MIA2: variants seen among roughly 807,000 people sequenced by gnomAD.
The protein encoded by MIA2 is melanoma inhibitory activity protein 2.
Under a neutral mutation model 167.8 loss-of-function variants are expected in MIA2, and 127 were observed. That is an observed-to-expected ratio of 0.76 (90% CI 0.66 to 0.88). The LOEUF (loss-of-function observed/expected upper bound fraction) is 0.88, where lower values mean the gene tolerates loss of function less well. Ranked by LOEUF, MIA2 falls within the 40% of genes least tolerant of loss-of-function variation. MIA2 has a pLI of 0.00. For synonymous variants in MIA2, 552 were observed against 541.9 expected (o/e 1.02, Z -0.26); for missense variants, 1,690 against 1,624.7 (o/e 1.04, Z -0.69).
At chr14:39,384,731 A>G (rs528625896) in intron 23 of MIA2, among the ~76,000 whole-genome samples, 25 of 152,326 alleles carry the variant, frequency 1.6e-4, no homozygotes, top group African/African-American at 5.8e-4. Context: ...GCTCACAGCC[A>G]GTCCTCTCAC....
intron 14 of MIA2, 95 bp downstream of exon 14, chr14:39,300,081 CAACATATTTTCAT>C: frequency 6.8e-7 from 1 of 1,464,572 alleles, no homozygotes; most frequent in Non-Finnish European, 9.2e-7. Flanking sequence ...TTTATTTTCA[CAACATATTTTCAT>C]AACATATTTG....
chr14:39,344,407 C>A (rs768616640), intron 25 of MIA2, among the ~76,000 whole-genome samples: 6 of 152,180 alleles, frequency 3.9e-5, no homozygotes, highest in South Asian at 2.1e-4. Context: ...CCTTTTCTTT[C>A]ATTAGGCTAA....
chr14:39,354,192 G>A (rs547572483), downstream of MIA2, among the ~76,000 whole-genome samples: 1 of 152,202 alleles, frequency 6.6e-6, no homozygotes, highest in Non-Finnish European at 1.5e-5. Flanking sequence ...CAGTGTAAAA[G>A]TGTTCCTGTT....
At chr14:39,321,528 G>C (rs2066436526) in intron 24 of MIA2, among the ~76,000 whole-genome samples, 1 of 151,942 alleles carries the variant, frequency 6.6e-6, no homozygotes, top group South Asian at 2.1e-4. Flanking sequence ...ATGTTAGCCA[G>C]GATGGTCTCG....
chr14:39,265,904 A>C (rs778323673), intron 6 of MIA2: 40 of 866,864 alleles, frequency 4.6e-5, no homozygotes, highest in Non-Finnish European at 5.5e-5. Flanking sequence ...ACAATGGAGA[A>C]TTACTAAGCA....
At chr14:39,355,843 C>G (rs1054532954), downstream of MIA2, among the ~76,000 whole-genome samples, 14 of 151,978 alleles carry the variant, frequency 9.2e-5, no homozygotes, top group Non-Finnish European at 1.8e-4. Flanking sequence ...CTGTTTATAT[C>G]TGGATTATGT....
chr14:39,278,257 C>A (rs1400822938), intron 7 of MIA2, among the ~76,000 whole-genome samples: 1 of 152,136 alleles, frequency 6.6e-6, no homozygotes, highest in Non-Finnish European at 1.5e-5. Context: ...AATCACCACG[C>A]CTGGCCTAAT....
rs1172808739 is a variant in MIA2 at position 39,279,337 on chromosome 14, G to A, written c.2020G>A (p.Val674Ile). 1.2e-6 allele frequency: 2 copies of A among 1,606,336 alleles called. No individual in the cohort carries two copies. Among genetic ancestry groups the A allele is most frequent in the East Asian group, 2.2e-5 (1 of 44,774 alleles). Reference sequence around the variant, plus strand: ...AATTTTTGTTAAAAATTTGTTTCAGGTTAGGAGTCGGCTTTATGTGGGTAA... The same window carrying A: ...AATTTTTGTTAAAAATTTGTTTCAGATTAGGAGTCGGCTTTATGTGGGTAA... ...LFFLWRSFRS[V>I]RSRLYVGREK... is the part of the protein sequence containing the mutation. The change falls in exon 8 of 29, where the codon GTT (valine) becomes ATT (isoleucine). Residue 674 changes from valine (V) to isoleucine (I), a missense_variant and splice_region_variant. Coordinates refer to ENST00000640607, the MANE Select transcript of MIA2 (RefSeq NM_001329214.4).
chr14:39,348,713 T>C (rs369364333), intron 27 of MIA2, 30 bp from the exon 28 acceptor site: 24 of 1,610,586 alleles, frequency 1.5e-5, no homozygotes, highest in African/African-American at 6.7e-5. Flanking sequence ...TTTACTGTTT[T>C]AGTGACTGCC....
At chr14:39,332,874 G>T (rs2069258073) in intron 25 of MIA2, among the ~76,000 whole-genome samples, 2 of 152,066 alleles carry the variant, frequency 1.3e-5, no homozygotes, top group Non-Finnish European at 2.9e-5. Context: ...TCGACGTCTT[G>T]CCTGGGAATC....
intron 23 of MIA2, among the ~76,000 whole-genome samples, chr14:39,366,205 G>T (rs1172301275): frequency 6.6e-6 from 1 of 152,028 alleles, no homozygotes; most frequent in African/African-American, 2.4e-5. Flanking sequence ...CGTCCTCAGG[G>T]CCCAGTAGTG....
chr14:39,379,659 C>G (rs2075114063), intron 23 of MIA2, among the ~76,000 whole-genome samples: 2 of 152,062 alleles, frequency 1.3e-5, no homozygotes, highest in Admixed American at 6.5e-5. Flanking sequence ...CGAGACCAGT[C>G]TGGCCAACAT....
chr14:39,312,183 A>T (rs899889696), intron 18 of MIA2, among the ~76,000 whole-genome samples: 1 of 152,178 alleles, frequency 6.6e-6, no homozygotes, highest in Non-Finnish European at 1.5e-5. Flanking sequence ...TGTAATTTCT[A>T]TTATTAATAG....
At chr14:39,238,662 G>A (rs2053880774) in intron 2 of MIA2, among the ~76,000 whole-genome samples, 1 of 151,568 alleles carries the variant, frequency 6.6e-6, no homozygotes, top group South Asian at 2.1e-4. Context: ...GGGTGTAGTA[G>A]TGCATGCCTG....
chr14:39,320,592 C>G (rs1182390205), intron 23 of MIA2, among the ~76,000 whole-genome samples: 1 of 151,568 alleles, frequency 6.6e-6, no homozygotes, highest in Non-Finnish European at 1.5e-5. Context: ...TAAAAACAAA[C>G]CAAAAAAAAA....
chr14:39,357,210 G>A (rs927793575), intron 23 of MIA2, among the ~76,000 whole-genome samples: 6 of 152,224 alleles, frequency 3.9e-5, no homozygotes, highest in Middle Eastern at 3.4e-3. Flanking sequence ...GGTCTCTAAG[G>A]ACTTGCTTTA....
intron 16 of MIA2, among the ~76,000 whole-genome samples, chr14:39,303,849 C>T (rs1471716172): frequency 6.6e-6 from 1 of 151,926 alleles, no homozygotes; most frequent in Non-Finnish European, 1.5e-5. Context: ...TTTCTTACCC[C>T]TTCTGCCCTA....
At position 39,345,918 on chromosome 14, in the gene MIA2, G is replaced by A. The variant is rs2073139837; in HGVS notation, c.3670G>A (p.Asp1224Asn). The change falls in exon 26 of 29, where the codon GAT (aspartate) becomes AAT (asparagine). Residue 1224 changes from aspartate to asparagine, a missense_variant. Transcript: ENST00000640607. ...MFPPPGQSYP[D>N]SALPPQRQDR... ...TTATTTTCTAGGACAATCATATCCTGATTCAGCCCTTCCTCCACAAAGGCA... is the reference window on the plus strand; with the variant it reads ...TTATTTTCTAGGACAATCATATCCTAATTCAGCCCTTCCTCCACAAAGGCA... The A allele has an allele frequency of 6.2e-7, 1 of 1,610,866 alleles. No homozygotes were observed. Among genetic ancestry groups the A allele is most frequent in the Non-Finnish European group, 8.5e-7 (1 of 1,178,598 alleles).
chr14:39,266,529 T>C, intron 6 of MIA2: 1 of 985,500 alleles, frequency 1.0e-6, no homozygotes, highest in Non-Finnish European at 1.2e-6. Context: ...GTGACTCAGG[T>C]AAGCGAGGAA....
Sources: allele counts gnomAD v4.1 joint callset (sites outside exome capture counted in the v4.1 genomes callset), GRCh38; gene constraint gnomAD v4.1.1; transcripts MANE v1.5; gene names NCBI Gene and HGNC (gene_info 2026-07-23, HGNC 2026-07-21).